Variants in CFAP68 observed in about 807,000 individuals in gnomAD.
The protein encoded by CFAP68 is cilia and flagella associated protein 68.
chr11:111,881,282 C>G, the CFAP68 span: 40 of 1,420,362 alleles, frequency 2.8e-5, no homozygotes, highest in African/African-American at 4.3e-5. Flanking sequence ...ACCAGCTACT[C>G]TGGTCATCAT....
At chr11:111,880,574 A>G in the CFAP68 span, among the ~76,000 whole-genome samples, 2 of 152,246 alleles carry the variant, frequency 1.3e-5, no homozygotes, top group Non-Finnish European at 2.9e-5. Flanking sequence ...GCCATGGCAA[A>G]GTCAGGAAGT....
At chr11:111,883,437 A>G in the CFAP68 span, among the ~76,000 whole-genome samples, 3 of 152,110 alleles carry the variant, frequency 2.0e-5, no homozygotes, top group East Asian at 5.8e-4. Flanking sequence ...TAAAAAAAAT[A>G]CAAAAATTAG....
At chr11:111,885,132 CAA>C in the CFAP68 span, 2 of 139,986 alleles carry the variant, frequency 1.4e-5, no homozygotes, top group African/African-American at 2.7e-5. Flanking sequence ...GCCTGGGCGA[CAA>C]GAGCGAAACT....
the CFAP68 span, chr11:111,881,146 G>A: frequency 1.7e-6 from 2 of 1,156,504 alleles, no homozygotes; most frequent in Non-Finnish European, 1.1e-6. Context: ...ACAAGTCAGA[G>A]TCAAAGATAA....
chr11:111,882,572 G>A, the CFAP68 span: 13 of 1,606,398 alleles, frequency 8.1e-6, no homozygotes, highest in East Asian at 4.5e-5. Context: ...GAGGAATATC[G>A]TGCAGCCCAA....
At chr11:111,879,973 G>T in the CFAP68 span, among the ~76,000 whole-genome samples, 3 of 152,180 alleles carry the variant, frequency 2.0e-5, no homozygotes, top group Non-Finnish European at 1.5e-5. Flanking sequence ...CAGAATAGTT[G>T]AGTTTGGCTG....
At chr11:111,881,439 G>A in the CFAP68 span, 2 of 1,535,040 alleles carry the variant, frequency 1.3e-6, no homozygotes, top group Non-Finnish European at 1.7e-6. Flanking sequence ...CCCAAATCAT[G>A]GCCACTTGCC....
chr11:111,881,041 T>G, the CFAP68 span: 1 of 351,178 alleles, frequency 2.8e-6, no homozygotes, highest in Non-Finnish European at 5.0e-6. Flanking sequence ...GAGACAAAGC[T>G]GACAGTGATT....
At chr11:111,882,331 T>C in the CFAP68 span, 2 of 1,559,054 alleles carry the variant, frequency 1.3e-6, no homozygotes, top group Non-Finnish European at 1.8e-6. Context: ...CTTCTCTGGT[T>C]TATGCAATAA....
chr11:111,881,625 T>A, the CFAP68 span: 1 of 1,523,980 alleles, frequency 6.6e-7, no homozygotes, highest in South Asian at 1.2e-5. Flanking sequence ...GGTATCATCT[T>A]CCTAAGTCAG....
At chr11:111,880,220 G>A in the CFAP68 span, among the ~76,000 whole-genome samples, 1 of 151,704 alleles carries the variant, frequency 6.6e-6, no homozygotes, top group Admixed American at 6.6e-5. Flanking sequence ...CTAGTTAGTA[G>A]CCTGGAGTGT....
chr11:111,881,702 CA>C, the CFAP68 span: 1 of 1,398,394 alleles, frequency 7.2e-7, no homozygotes, highest in Non-Finnish European at 9.4e-7. Flanking sequence ...AAAATGAAAT[CA>C]GACATTGATC....
chr11:111,880,051 G>A, the CFAP68 span, among the ~76,000 whole-genome samples: 3 of 152,130 alleles, frequency 2.0e-5, no homozygotes, highest in African/African-American at 7.2e-5. Context: ...CATAGGGAGC[G>A]TTGTAAGCCT....
the CFAP68 span, chr11:111,881,684 TACCA>T: frequency 6.9e-7 from 1 of 1,446,306 alleles, no homozygotes; most frequent in Non-Finnish European, 9.1e-7. Flanking sequence ...GCTTTTATCT[TACCA>T]AAAAAAATGA....
chr11:111,879,991 A>G, the CFAP68 span, among the ~76,000 whole-genome samples: 2 of 152,196 alleles, frequency 1.3e-5, no homozygotes, highest in South Asian at 2.1e-4. Flanking sequence ...CTGAAACACA[A>G]TTGGAGGGAG....
the CFAP68 span, among the ~76,000 whole-genome samples, chr11:111,882,115 T>C: frequency 6.6e-6 from 1 of 152,194 alleles, no homozygotes; most frequent in East Asian, 1.9e-4. Context: ...ACTGAAGTTT[T>C]TCCTGTCTCT....
At chr11:111,882,516 C>T in the CFAP68 span, 1 of 1,614,128 alleles carries the variant, frequency 6.2e-7, no homozygotes, top group Non-Finnish European at 8.5e-7. Context: ...AATACCTATT[C>T]AAACCGTACC....
chr11:111,881,328 A>G, the CFAP68 span: 1 of 1,449,256 alleles, frequency 6.9e-7, no homozygotes, highest in Non-Finnish European at 9.0e-7. Context: ...ATCTGTCTTC[A>G]CAAAGGCAGA....
chr11:111,885,310 T>C, the CFAP68 span: 1 of 152,140 alleles, frequency 6.6e-6, no homozygotes, highest in Non-Finnish European at 1.5e-5. Flanking sequence ...AGACCCCATC[T>C]CTACCAAAAA....
Sources: gnomAD v4.1 joint callset for allele counts (sites outside exome capture counted in the v4.1 genomes callset) on GRCh38, gnomAD v4.1.1 for gene constraint, MANE v1.5 for transcripts, NCBI Gene and HGNC (gene_info 2026-07-23, HGNC 2026-07-21) for gene names.